AGAP1: variants seen among roughly 807,000 people sequenced by gnomAD.
The protein encoded by AGAP1 is ArfGAP with GTPase domain, ankyrin repeat and PH domain 1, also known as arf-GAP with GTPase, ANK repeat and PH domain-containing protein 1.
AGAP1 carries 29 observed loss-of-function variants against 105.3 expected under a neutral mutation model. The ratio of observed to expected loss-of-function variants is 0.28; its 90% CI spans 0.21 to 0.38. The LOEUF (loss-of-function observed/expected upper bound fraction) is 0.38, where lower values mean the gene tolerates loss of function less well. Among genes scored for constraint, AGAP1 ranks in the 10% least tolerant of loss-of-function variants. The pLI, the probability that AGAP1 is intolerant of heterozygous loss-of-function variation, is 1.00. For missense variants in AGAP1, 998 were observed against 1,165.1 expected, an observed-to-expected ratio of 0.86 and a Z score of 2.09; for synonymous variants, 509 against 485.9, an observed-to-expected ratio of 1.05 and a Z score of -0.63.
Position 235,740,896 on chromosome 2 carries a change from C to T in AGAP1, c.311-67C>T. 1 of 1,598,926 alleles carries T rather than the reference C, an allele frequency of 6.3e-7. No homozygotes were observed. The highest frequency in any genetic ancestry group is 1.7e-5 in the Admixed American group (1 of 59,890). On this transcript the variant is annotated intron_variant, in intron 3 of 17. Coordinates refer to ENST00000304032, the MANE Select transcript of AGAP1 (RefSeq NM_001037131.3). This position sits in a 1 kb window ranked among gnomAD's most constrained non-coding sequence, Gnocchi z 5.7. ...GGGTGTATTTTTCCACAAGCGAAGC[C>T]CACGTCTGTCTGCCCTCCTCACTCT...
In AGAP1 at chr2:235,883,419, T is replaced by C; in HGVS notation, c.1125T>C (p.Asn375=). 6.2e-7 allele frequency: 1 copy of C among 1,614,126 alleles called. No homozygotes were observed. ...WKKKYVTLCD[N]GVLTYHPSLH... ...AGAAATATGTCACCCTGTGTGACAA[T>C]GGCGTGCTGACCTATCATCCCAGTT... The change falls in exon 10 of 18, where the codon AAT becomes AAC. Residue 375 remains asparagine (N), a synonymous_variant. Transcript: ENST00000304032. The surrounding 1 kb of genome is among the most constrained non-coding windows in gnomAD (Gnocchi z 4.5).
chr2:235,587,279 G>T (rs1036617829), intron 1 of AGAP1, among the ~76,000 whole-genome samples: 10 of 152,176 alleles, frequency 6.6e-5, no homozygotes, highest in African/African-American at 2.2e-4. Flanking sequence ...CTTTTAAGCA[G>T]ATGGAGCTGC....
chr2:236,084,543 GT>G (rs1439468272), intron 16 of AGAP1, among the ~76,000 whole-genome samples: 2 of 152,168 alleles, frequency 1.3e-5, no homozygotes, highest in Non-Finnish European at 2.9e-5. Flanking sequence ...GAAAACCTCT[GT>G]TTGGATATAA....
intron 1 of AGAP1, among the ~76,000 whole-genome samples, chr2:235,594,079 A>T (rs1945438394): frequency 6.6e-6 from 1 of 152,214 alleles, no homozygotes; most frequent in Non-Finnish European, 1.5e-5. Flanking sequence ...TCATAGGTGC[A>T]CATGTAGTAA....
At chr2:235,857,405 C>T (rs184227417) in intron 9 of AGAP1, among the ~76,000 whole-genome samples, 105 of 152,224 alleles carry the variant, frequency 6.9e-4, no homozygotes, top group African/African-American at 2.5e-3. Flanking sequence ...GGTTGGGGGC[C>T]GCTGTCGTAG....
chr2:235,819,708 C>T (rs1025305514), intron 9 of AGAP1, among the ~76,000 whole-genome samples: 3 of 151,930 alleles, frequency 2.0e-5, no homozygotes, highest in African/African-American at 4.8e-5. Flanking sequence ...TCTCTATCTT[C>T]CCTGTTTATA....
intron 11 of AGAP1, among the ~76,000 whole-genome samples, chr2:235,918,841 A>G (rs923664300): frequency 3.3e-5 from 5 of 152,036 alleles, no homozygotes; most frequent in Non-Finnish European, 5.9e-5. Context: ...TGTACTTCCT[A>G]AATTAAGGAT....
chr2:235,527,756 GC>G (rs1413169961), intron 1 of AGAP1, among the ~76,000 whole-genome samples: 3 of 152,118 alleles, frequency 2.0e-5, no homozygotes, highest in Non-Finnish European at 4.4e-5. Flanking sequence ...GGAAAAAAAT[GC>G]CCACAGCCTA....
intron 1 of AGAP1, among the ~76,000 whole-genome samples, chr2:235,532,880 G>A (rs1377364908): frequency 2.0e-5 from 3 of 152,108 alleles, no homozygotes; most frequent in African/African-American, 7.2e-5. Context: ...GAACAGCCGT[G>A]GGCTACTTTG....
At chr2:235,749,941 G>A (rs747781537) in intron 5 of AGAP1, among the ~76,000 whole-genome samples, 5 of 152,160 alleles carry the variant, frequency 3.3e-5, no homozygotes, top group Admixed American at 6.5e-5. Context: ...TATTAAGTGC[G>A]TCATTGGACA....
chr2:236,024,646 A>C (rs2056995039), intron 13 of AGAP1, among the ~76,000 whole-genome samples: 1 of 152,170 alleles, frequency 6.6e-6, no homozygotes, highest in Non-Finnish European at 1.5e-5. Flanking sequence ...ATTAACCTTT[A>C]AGAAAAAAAA....
At position 236,113,501 on chromosome 2, in the gene AGAP1, A is replaced by T. The variant is rs949809890; in HGVS notation, c.2115-6691A>T. On this transcript the variant is annotated intron_variant, in intron 16 of 17. Coordinates refer to ENST00000304032, the MANE Select transcript of AGAP1 (RefSeq NM_001037131.3). This position sits in a 1 kb window ranked among gnomAD's most constrained non-coding sequence, Gnocchi z 4.3. ...GTTACCAGGAATGATCAATAAAGTC[A>T]GTTACTGTCATCCTTAAGCCCACAC... Among the ~76,000 whole-genome samples the T allele has an allele frequency of 2.6e-5, 4 of 152,188 alleles. No homozygotes were observed. The highest frequency in any genetic ancestry group is 2.6e-4 in the Admixed American group (4 of 15,268).
chr2:235,686,556 TACACACACACACACAC>T (rs10700794), intron 1 of AGAP1, among the ~76,000 whole-genome samples: 5 of 101,826 alleles, frequency 4.9e-5, no homozygotes, highest in Non-Finnish European at 9.3e-5. Flanking sequence ...GATATATATA[TACACACACACACACAC>T]ACACACACAC....
chr2:236,017,317 A>G (rs2056740128), intron 13 of AGAP1, among the ~76,000 whole-genome samples: 1 of 151,980 alleles, frequency 6.6e-6, no homozygotes, highest in Non-Finnish European at 1.5e-5. Context: ...AATACATTAC[A>G]GAATTTATAA....
intron 9 of AGAP1, among the ~76,000 whole-genome samples, chr2:235,862,788 A>G (rs1187113447): frequency 6.6e-6 from 1 of 152,166 alleles, no homozygotes; most frequent in African/African-American, 2.4e-5. Flanking sequence ...AGATGTCAGG[A>G]TCCTGAGGGC....
intron 12 of AGAP1, among the ~76,000 whole-genome samples, chr2:235,946,825 C>A (rs1309428573): frequency 6.6e-6 from 1 of 152,142 alleles, no homozygotes. Context: ...CATATCCCTG[C>A]CACCCCAGTG....
intron 1 of AGAP1, among the ~76,000 whole-genome samples, chr2:235,497,014 T>G (rs1479608040): frequency 3.3e-5 from 5 of 152,212 alleles, no homozygotes; most frequent in Non-Finnish European, 5.9e-5. Context: ...CATGCTGCTG[T>G]TCTTTGCATG....
At chr2:235,826,476 TTG>T (rs1959071348) in intron 9 of AGAP1, among the ~76,000 whole-genome samples, 6 of 152,092 alleles carry the variant, frequency 3.9e-5, no homozygotes, top group African/African-American at 1.4e-4. Flanking sequence ...GACAAGAGTC[TTG>T]CTGCTCTGTC....
In AGAP1 at chr2:236,114,986, A is replaced by T. The variant is rs991423724; in HGVS notation, c.2115-5206A>T. On this transcript the variant is annotated intron_variant, in intron 16 of 17. Transcript: ENST00000304032. This position sits in a 1 kb window ranked among gnomAD's most constrained non-coding sequence, Gnocchi z 5.0. The stretch of plus-strand genomic sequence containing the variant: ...CTGCACCCTCGGGGGAGCTCACAAG[A>T]TGCCAGCAGGCTTGGCAAGACCTCT... 2.0e-5 allele frequency among the ~76,000 whole-genome samples: 3 copies of T among 152,156 alleles called. No individual in the cohort carries two copies. The highest frequency in any genetic ancestry group is 7.2e-5 in the African/African-American group (3 of 41,440).
Sources: allele counts gnomAD v4.1 joint callset (sites outside exome capture counted in the v4.1 genomes callset), GRCh38; gene constraint gnomAD v4.1.1; non-coding constraint Gnocchi (gnomAD v3.1); transcripts MANE v1.5; gene names NCBI Gene and HGNC (gene_info 2026-07-23, HGNC 2026-07-21).